FGF5: variants seen among roughly 807,000 people sequenced by gnomAD.
The protein encoded by FGF5 is heparin-binding growth factor 5.
A neutral mutation model predicts 21.8 loss-of-function variants in FGF5; 23 were observed. The observed-to-expected ratio is 1.05, with a 90% CI of 0.76 to 1.49. The LOEUF is 1.49. Among genes scored for constraint, FGF5 ranks in the 40% most tolerant of loss-of-function variants. The pLI is 0.00. For synonymous variants in FGF5, 158 were observed against 124.0 expected (o/e 1.27, Z -1.82); for missense variants, 352 against 332.9 (o/e 1.06, Z -0.45).
chr4:80,275,672 TTATGA>T (rs1720391341), intron 2 of FGF5, among the ~76,000 whole-genome samples: 1 of 152,044 alleles, frequency 6.6e-6, no homozygotes, highest in African/African-American at 2.4e-5. Context: ...ATTTGCTTTG[TTATGA>T]AAGTTCCCAT....
intron 2 of FGF5, among the ~76,000 whole-genome samples, chr4:80,277,573 G>C (rs1720448153): frequency 6.6e-6 from 1 of 151,966 alleles, no homozygotes. Context: ...AAACATGCTG[G>C]GAAATTGTTT....
In FGF5 at chr4:80,289,408, G is replaced by A. The variant is rs74807166; in HGVS notation, c.*2736G>A. The A allele has an allele frequency of 2.6e-5, 4 of 152,208 alleles. No homozygotes were observed. The East Asian group carries it at 5.8e-4, about 22-fold the overall frequency. The allele number at this position is 152,208 out of a possible 1,614,324, so 9.4% of individuals were successfully genotyped here. A position where few individuals can be genotyped will look rare whatever the true frequency, so the allele number is the denominator to read the frequency against. ...TATACTAATGCTTACAACTTTCTAA[G>A]AGGGTTCTTGCTTATGTAGCTTTTT... On this transcript the variant is annotated 3_prime_UTR_variant, in exon 3 of 3. Coordinates refer to ENST00000312465, the MANE Select transcript of FGF5 (RefSeq NM_004464.4).
intron 2 of FGF5, among the ~76,000 whole-genome samples, chr4:80,285,631 G>A (rs1172714278): frequency 6.6e-6 from 1 of 152,112 alleles, no homozygotes; most frequent in Non-Finnish European, 1.5e-5. Context: ...TATTCTGTAA[G>A]CATTTCAAGG....
chr4:80,289,681 T>A lies in FGF5; in HGVS notation c.*3009T>A, dbSNP rs2109933924. 1 of 152,218 alleles carries A rather than the reference T, an allele frequency of 6.6e-6. No individual in the cohort carries two copies. The highest frequency in any genetic ancestry group is 1.9e-4 in the East Asian group (1 of 5,188). The allele number at this position is 152,218 out of a possible 1,614,324, so 9.4% of individuals were successfully genotyped here. On this transcript the variant is annotated 3_prime_UTR_variant, in exon 3 of 3. Transcript: ENST00000312465. ...TCAATAAGATGTAGTAACACTGTGA[T>A]TTATCTTTCAAGAGTCTCTCTTCAC...
chr4:80,266,817 C>A lies in FGF5; in HGVS notation c.-8C>A, dbSNP rs1302899203. The A allele has an allele frequency of 1.3e-6, 2 of 1,567,634 alleles. No homozygotes were observed. Among genetic ancestry groups the A allele is most frequent in the Non-Finnish European group, 1.7e-6 (2 of 1,159,014 alleles). The stretch of plus-strand genomic sequence containing the variant: ...CAAGATGCACTTAGGACCCCCGCGG[C>A]TGGAAGAATGAGCTTGTCCTTCCTC... On this transcript the variant is annotated 5_prime_UTR_variant, in exon 1 of 3. It adds an upstream start codon to the 5' untranslated region. Transcript: ENST00000312465.
intron 2 of FGF5, among the ~76,000 whole-genome samples, chr4:80,276,895 G>T (rs951937780): frequency 6.6e-6 from 1 of 151,770 alleles, no homozygotes; most frequent in African/African-American, 2.4e-5. Context: ...CCTCATAATA[G>T]TACACAGTGC....
chr4:80,268,685 G>A (rs1023779313), intron 1 of FGF5: 2 of 269,608 alleles, frequency 7.4e-6, no homozygotes, highest in African/African-American at 2.3e-5. Context: ...CGCCTGTCTA[G>A]TCTATCTGAT....
rs1009037404 is a variant in FGF5, at chr4:80,287,527, T to C, written c.*855T>C. ...GTAAAAGTACACTAAGTTTGCAACA[T>C]TTATTGAGATCTAAGTCTGTCTTGC... is the stretch of plus-strand genomic sequence containing the variant. On this transcript the variant is annotated 3_prime_UTR_variant, in exon 3 of 3. Coordinates refer to ENST00000312465, the MANE Select transcript of FGF5 (RefSeq NM_004464.4). 1.3e-5 allele frequency: 2 copies of C among 152,156 alleles called. No homozygotes were observed. The highest frequency in any genetic ancestry group is 2.9e-5 in the Non-Finnish European group (2 of 68,018). 9.4% of individuals were successfully genotyped at this position (152,156 alleles called of 1,614,324 possible).
Position 80,287,794 on chromosome 4 carries a change from A to G in FGF5, c.*1122A>G, listed in dbSNP as rs1447773932. 2 of 152,114 alleles carry G rather than the reference A, an allele frequency of 1.3e-5. No individual in the cohort carries two copies. The highest frequency in any genetic ancestry group is 2.9e-5 in the Non-Finnish European group (2 of 67,994). 9.4% of individuals were successfully genotyped at this position (152,114 alleles called of 1,614,324 possible). Reference sequence around the variant, plus strand: ...TCCCATTGTCAGAAATATTCTTATTACTCAGTCAAACACTCTTTGAGCTTC... The same window carrying G: ...TCCCATTGTCAGAAATATTCTTATTGCTCAGTCAAACACTCTTTGAGCTTC... On this transcript the variant is annotated 3_prime_UTR_variant, in exon 3 of 3. Transcript: ENST00000312465.
rs1055523171 is a variant in FGF5, at chr4:80,268,399, G to C, written c.355+1220G>C. The C allele has an allele frequency of 4.0e-6, 3 of 748,832 alleles. No homozygotes were observed. The African/African-American group carries it at 5.7e-5, about 14-fold the overall frequency. The allele number at this position is 748,832 out of a possible 1,614,324, so 46.4% of individuals were successfully genotyped here. On this transcript the variant is annotated intron_variant, in intron 1 of 2. Transcript: ENST00000312465. ...GCGCTCACAGTCACCTGGTTTCAGT[G>C]TCAGCCTGGTTGCTCCTAGATGTTC...
chr4:80,284,509 G>C (rs1300628305), intron 2 of FGF5, among the ~76,000 whole-genome samples: 1 of 152,134 alleles, frequency 6.6e-6, no homozygotes, highest in African/African-American at 2.4e-5. Context: ...CCTTCAGCCT[G>C]CTCGAGATCA....
chr4:80,286,603 G>C lies in FGF5; in HGVS notation c.738G>C (p.Lys246Asn), dbSNP rs752623488. The C allele has an allele frequency of 8.1e-6, 13 of 1,613,906 alleles. No homozygotes were observed. In the African/African-American group the frequency reaches 1.7e-4, roughly 22 times the overall value. ...AGCCACCTAGCCCTATCAAGCCAAA[G>C]ATTCCCCTTTCTGCACCTCGGAAAA... ...KKKPPSPIKP[K>N]IPLSAPRKNT... Residue 246 changes from lysine (K) to asparagine (N), a missense_variant, in exon 3 of 3, where the codon AAG becomes AAC. Lys to Asn is a moderately conservative substitution (Grantham distance 94, BLOSUM62 0). Transcript: ENST00000312465.
intron 2 of FGF5, among the ~76,000 whole-genome samples, chr4:80,283,419 A>G (rs559691768): frequency 6.6e-6 from 1 of 152,262 alleles, no homozygotes; most frequent in South Asian, 2.1e-4. Flanking sequence ...AAGATTTTAG[A>G]TGAAACAATT....
chr4:80,268,390 G>GT (rs751724798), intron 1 of FGF5: 6 of 644,564 alleles, frequency 9.3e-6, no homozygotes, highest in East Asian at 1.4e-4. Flanking sequence ...ACAGTCACCT[G>GT]GTTTCAGTGT....
rs1259812542 is a variant in FGF5, at chr4:80,287,006, G to T, written c.*334G>T. ...CTGACTTTTACAGATTAACCTGAAA[G>T]AACATACATGATACATTTTTATTTT... On this transcript the variant is annotated 3_prime_UTR_variant, in exon 3 of 3. Transcript: ENST00000312465. 1.0e-5 allele frequency: 2 copies of T among 193,768 alleles called. No individual in the cohort carries two copies. Among genetic ancestry groups the T allele is most frequent in the East Asian group, 1.2e-4 (1 of 8,384 alleles). 12.0% of individuals were successfully genotyped at this position (193,768 alleles called of 1,614,324 possible). A position where few individuals can be genotyped will look rare whatever the true frequency, so the allele number is the denominator to read the frequency against.
intron 1 of FGF5, among the ~76,000 whole-genome samples, chr4:80,269,523 T>G (rs1206600385): frequency 6.6e-6 from 1 of 152,240 alleles, no homozygotes; most frequent in Non-Finnish European, 1.5e-5. Context: ...CTACCCAGTA[T>G]GTAACATGTA....
rs542538374 is a variant in FGF5, at chr4:80,279,655, C to G, written c.459+4643C>G. Among the ~76,000 whole-genome samples, 3 of 152,254 alleles carry G rather than the reference C, an allele frequency of 2.0e-5. No individual in the cohort carries two copies. In the East Asian group the frequency reaches 5.8e-4, roughly 29 times the overall value. On this transcript the variant is annotated intron_variant, in intron 2 of 2. Transcript: ENST00000312465. The stretch of plus-strand genomic sequence containing the variant: ...TAATCTTGTGACTTTTTTCATAGCT[C>G]TGTTGTCCATCTTGATTTTTCCCTA...
chr4:80,284,143 A>G (rs1000558434), intron 2 of FGF5, among the ~76,000 whole-genome samples: 4 of 152,136 alleles, frequency 2.6e-5, no homozygotes, highest in Non-Finnish European at 5.9e-5. Context: ...TGTTTATAAT[A>G]CCTGCCTTCG....
chr4:80,266,762 C>A lies in FGF5; in HGVS notation c.-63C>A. 1 of 1,363,684 alleles carries A rather than the reference C, an allele frequency of 7.3e-7. No homozygotes were observed. The highest frequency in any genetic ancestry group is 1.4e-5 in the South Asian group (1 of 71,890). 84.5% of individuals were successfully genotyped at this position (1,363,684 alleles called of 1,614,324 possible). A position where few individuals can be genotyped will look rare whatever the true frequency, so the allele number is the denominator to read the frequency against. On this transcript the variant is annotated 5_prime_UTR_variant, in exon 1 of 3. Transcript: ENST00000312465. Reference sequence around the variant, plus strand: ...GCAGAGCCAGAGGCACGCAGCCGCACAGGGGCTACAGAGCCCAGAATCAGC... The same window carrying A: ...GCAGAGCCAGAGGCACGCAGCCGCAAAGGGGCTACAGAGCCCAGAATCAGC...
Sources: allele counts gnomAD v4.1 joint callset (sites outside exome capture counted in the v4.1 genomes callset), GRCh38; gene constraint gnomAD v4.1.1; transcripts MANE v1.5; gene names NCBI Gene and HGNC (gene_info 2026-07-23, HGNC 2026-07-21).